EXOC4: variants seen among roughly 807,000 people sequenced by gnomAD.
The protein encoded by EXOC4 is SEC8-like 1.
A neutral mutation model predicts 107.2 loss-of-function variants in EXOC4; 71 were observed. The ratio of observed to expected loss-of-function variants is 0.66; its 90% CI spans 0.55 to 0.81. The LOEUF (loss-of-function observed/expected upper bound fraction) is 0.81, where lower values mean the gene tolerates loss of function less well. Ranked by LOEUF, EXOC4 falls within the 30% of genes least tolerant of loss-of-function variation. The pLI is 0.00. For synonymous variants in EXOC4, 456 were observed against 441.2 expected (o/e 1.03, Z -0.42); for missense variants, 1,108 against 1,189.6 (o/e 0.93, Z 1.01).
At position 133,992,395 on chromosome 7, in the gene EXOC4, G is replaced by A. The variant is rs367622772; in HGVS notation, c.2207-5097G>A. On this transcript the variant is annotated intron_variant, in intron 14 of 17. Coordinates refer to ENST00000253861, the MANE Select transcript of EXOC4 (RefSeq NM_021807.4). The stretch of plus-strand genomic sequence containing the variant: ...CCTCCCAGGCTCAAGTGATCCTCCC[G>A]CCTCAGCCTCCTGAGTAGCTGAGAT... 2.8e-4 allele frequency among the ~76,000 whole-genome samples: 42 copies of A among 152,106 alleles called. 1 individual carries two copies. The East Asian group carries it at 3.5e-3, about 13-fold the overall frequency.
At chr7:133,488,939 ATC>A (rs1225468429) in intron 9 of EXOC4, among the ~76,000 whole-genome samples, 3 of 149,396 alleles carry the variant, frequency 2.0e-5, no homozygotes, top group Admixed American at 6.7e-5. Context: ...TATATATAAA[ATC>A]TCTATATAAA....
intron 9 of EXOC4, among the ~76,000 whole-genome samples, chr7:133,599,510 A>G (rs1306270963): frequency 2.0e-5 from 3 of 152,212 alleles, no homozygotes; most frequent in African/African-American, 7.2e-5. Context: ...TGTTTAACAG[A>G]AGATGACCAT....
At chr7:133,999,931 A>T (rs1401519585) in intron 15 of EXOC4, among the ~76,000 whole-genome samples, 7 of 152,228 alleles carry the variant, frequency 4.6e-5, no homozygotes, top group African/African-American at 1.7e-4. Context: ...ATACAGTGCT[A>T]TAGCACTGGT....
chr7:133,554,405 T>G (rs1003100991), intron 9 of EXOC4, among the ~76,000 whole-genome samples: 1 of 152,204 alleles, frequency 6.6e-6, no homozygotes, highest in Admixed American at 6.5e-5. Flanking sequence ...TTTCTCAATT[T>G]AAAAATAAAT....
At chr7:134,074,142 G>T in the EXOC4 span, among the ~76,000 whole-genome samples, 1 of 152,124 alleles carries the variant, frequency 6.6e-6, no homozygotes, top group Admixed American at 6.5e-5. Context: ...AGCTTTGGGG[G>T]ACCCAACACT....
the EXOC4 span, among the ~76,000 whole-genome samples, chr7:134,090,834 G>A: frequency 6.6e-6 from 1 of 152,028 alleles, no homozygotes; most frequent in Non-Finnish European, 1.5e-5. Context: ...GAGAATAGCA[G>A]TTAGCATCCC....
intron 11 of EXOC4, among the ~76,000 whole-genome samples, chr7:133,858,194 G>C (rs1483607147): frequency 6.6e-6 from 1 of 152,176 alleles, no homozygotes; most frequent in Non-Finnish European, 1.5e-5. Flanking sequence ...CAGCATCCAG[G>C]AAGAATGAGT....
At position 134,005,096 on chromosome 7, in the gene EXOC4, A is replaced by G. The variant is rs1794615745; in HGVS notation, c.2527+6A>G. The G allele has an allele frequency of 6.2e-7, 1 of 1,609,148 alleles. No individual in the cohort carries two copies. The highest frequency in any genetic ancestry group is 1.3e-5 in the African/African-American group (1 of 74,696). ...GTTCCAGTATATCTTCGAAGGTCAGACCCTGCTTCTGTCTCTGGGAGTTTG... is the reference window on the plus strand; with the variant it reads ...GTTCCAGTATATCTTCGAAGGTCAGGCCCTGCTTCTGTCTCTGGGAGTTTG... On this transcript the variant is annotated splice_donor_region_variant and intron_variant, in intron 16 of 17. Transcript: ENST00000253861.
At chr7:133,963,049 A>G (rs1408247173) in intron 14 of EXOC4, among the ~76,000 whole-genome samples, 1 of 152,248 alleles carries the variant, frequency 6.6e-6, no homozygotes, top group Non-Finnish European at 1.5e-5. Flanking sequence ...ACAGGGTGGC[A>G]GCATGATAAA....
intron 5 of EXOC4, among the ~76,000 whole-genome samples, chr7:133,317,956 G>C (rs1795029703): frequency 1.3e-5 from 2 of 151,790 alleles, no homozygotes; most frequent in South Asian, 2.1e-4. Flanking sequence ...CCACACCCGG[G>C]CGACCAGCAC....
At chr7:133,674,258 A>G (rs960454498) in intron 10 of EXOC4, among the ~76,000 whole-genome samples, 3 of 152,204 alleles carry the variant, frequency 2.0e-5, no homozygotes, top group Non-Finnish European at 4.4e-5. Context: ...AGTGGATTAT[A>G]TATAGTACAA....
intron 10 of EXOC4, among the ~76,000 whole-genome samples, chr7:133,807,446 A>G (rs1180324941): frequency 1.3e-5 from 2 of 152,220 alleles, no homozygotes; most frequent in Non-Finnish European, 2.9e-5. Flanking sequence ...TGTGTCTTGC[A>G]TTAGAGTCTC....
chr7:133,433,264 C>T (rs142243347), intron 7 of EXOC4, among the ~76,000 whole-genome samples: 17 of 152,338 alleles, frequency 1.1e-4, no homozygotes, highest in African/African-American at 4.1e-4. Flanking sequence ...AATAGCCCCC[C>T]ACCCAACCTA....
chr7:134,028,908 C>A (rs182836999), intron 17 of EXOC4, among the ~76,000 whole-genome samples: 77 of 152,296 alleles, frequency 5.1e-4, no homozygotes, highest in African/African-American at 1.8e-3. Flanking sequence ...CTACTGGCTG[C>A]CTTGAAAGAG....
intron 11 of EXOC4, among the ~76,000 whole-genome samples, chr7:133,873,998 C>T (rs77758148): frequency 0.024 from 3,719 of 152,282 alleles, 159 homozygotes; most frequent in African/African-American, 0.086. Flanking sequence ...TTTCCAGTAT[C>T]ATATTGGCCT....
At chr7:133,492,579 C>T (rs1433051437) in intron 9 of EXOC4, among the ~76,000 whole-genome samples, 2 of 152,154 alleles carry the variant, frequency 1.3e-5, no homozygotes, top group African/African-American at 4.8e-5. Context: ...TTCTCAAGTT[C>T]AGAGTAATGG....
At chr7:133,882,408 C>G (rs1283478843) in intron 11 of EXOC4, among the ~76,000 whole-genome samples, 6 of 152,134 alleles carry the variant, frequency 3.9e-5, no homozygotes, top group Non-Finnish European at 8.8e-5. Context: ...ATGTACTTAA[C>G]TTTACTCACT....
At chr7:133,298,964 A>T (rs1394123412) in intron 3 of EXOC4, among the ~76,000 whole-genome samples, 1 of 152,212 alleles carries the variant, frequency 6.6e-6, no homozygotes, top group East Asian at 1.9e-4. Context: ...TGAAAATACT[A>T]AATATAATGT....
chr7:133,642,418 T>C, intron 10 of EXOC4, among the ~76,000 whole-genome samples: 1 of 152,212 alleles, frequency 6.6e-6, no homozygotes, highest in East Asian at 1.9e-4. Context: ...ACCTCTGATC[T>C]TCATCCTATT....
Sources: allele counts gnomAD v4.1 joint callset (sites outside exome capture counted in the v4.1 genomes callset), GRCh38; gene constraint gnomAD v4.1.1; transcripts MANE v1.5; gene names NCBI Gene and HGNC (gene_info 2026-07-23, HGNC 2026-07-21).